SPAG16: variants seen among roughly 807,000 people sequenced by gnomAD.
SPAG16 encodes the protein sperm associated antigen 16.
SPAG16 carries 86 observed loss-of-function variants against 80.4 expected under a neutral mutation model. The observed-to-expected ratio is 1.07, with a 90% CI of 0.90 to 1.28. The LOEUF is 1.28. Ranked by LOEUF, SPAG16 falls within the 50% of genes most tolerant of loss-of-function variation. The pLI is 0.00. For missense variants in SPAG16, 870 were observed against 765.3 expected (o/e 1.14, Z -1.61); for synonymous variants, 294 against 265.9 (o/e 1.11, Z -1.03).
At chr2:214,139,196 G>A (rs1429727987) in intron 14 of SPAG16, among the ~76,000 whole-genome samples, 1 of 151,836 alleles carries the variant, frequency 6.6e-6, no homozygotes, top group Non-Finnish European at 1.5e-5. Flanking sequence ...AAAGTTTATT[G>A]CCAGTTGACT....
rs1431524940 is a variant in SPAG16 at position 213,586,776 on chromosome 2, G to C, written c.1070+96686G>C. 2.0e-5 allele frequency among the ~76,000 whole-genome samples: 3 copies of C among 152,220 alleles called. No individual in the cohort carries two copies. The East Asian group carries it at 5.8e-4, about 29-fold the overall frequency. On this transcript the variant is annotated intron_variant, in intron 10 of 15. Transcript: ENST00000331683. Reference sequence around the variant, plus strand: ...GTTTACAAATTACAATGATGGGGTAGACACGTAACATTAGCATTCTAGAAG... The same window carrying C: ...GTTTACAAATTACAATGATGGGGTACACACGTAACATTAGCATTCTAGAAG...
intron 10 of SPAG16, among the ~76,000 whole-genome samples, chr2:213,751,771 G>C (rs1391258231): frequency 6.6e-6 from 1 of 152,162 alleles, no homozygotes; most frequent in East Asian, 1.9e-4. Context: ...CAAGTTTCCT[G>C]TGAAAGGACG....
chr2:214,159,811 T>C (rs1418805767), intron 15 of SPAG16, among the ~76,000 whole-genome samples: 2 of 151,958 alleles, frequency 1.3e-5, no homozygotes, highest in Admixed American at 6.6e-5. Context: ...AAATCAATAC[T>C]CTGTAAATAT....
At chr2:213,676,708 C>T (rs1227382240) in intron 10 of SPAG16, among the ~76,000 whole-genome samples, 1 of 151,288 alleles carries the variant, frequency 6.6e-6, no homozygotes, top group East Asian at 1.9e-4. Flanking sequence ...TATATTGAAC[C>T]AGCCTTGCAT....
chr2:213,349,935 C>T (rs1003772231), intron 6 of SPAG16, among the ~76,000 whole-genome samples: 2 of 152,082 alleles, frequency 1.3e-5, no homozygotes, highest in Non-Finnish European at 2.9e-5. Context: ...CGCTTAAGAG[C>T]TGTATGTTTT....
intron 10 of SPAG16, among the ~76,000 whole-genome samples, chr2:213,842,181 A>G (rs1019319420): frequency 3.9e-5 from 6 of 152,166 alleles, no homozygotes; most frequent in Admixed American, 1.3e-4. Context: ...AGCTTTTACA[A>G]TCTAGATCTT....
chr2:213,731,412 G>A (rs972161147), intron 10 of SPAG16, among the ~76,000 whole-genome samples: 1 of 151,338 alleles, frequency 6.6e-6, no homozygotes, highest in South Asian at 2.1e-4. Context: ...CATCCACCTC[G>A]GCCTCCCAAA....
rs185921617 is a variant in SPAG16 at position 213,701,159 on chromosome 2, G to T, written c.1071-161326G>T. 8.3e-4 allele frequency among the ~76,000 whole-genome samples: 126 copies of T among 152,262 alleles called. 1 individual carries two copies. In the East Asian group the frequency reaches 0.024, roughly 29 times the overall value. On this transcript the variant is annotated intron_variant, in intron 10 of 15. Transcript: ENST00000331683. Reference sequence around the variant, plus strand: ...GGAGGCTGAGGCAGGAGAATCGCTTGAACCCAAGAGGCAGAGGCTGCAGTG... The same window carrying T: ...GGAGGCTGAGGCAGGAGAATCGCTTTAACCCAAGAGGCAGAGGCTGCAGTG...
chr2:214,016,241 A>G (rs1414056661), intron 13 of SPAG16, among the ~76,000 whole-genome samples: 1 of 152,206 alleles, frequency 6.6e-6, no homozygotes, highest in Admixed American at 6.5e-5. Context: ...ACAGTTCCTT[A>G]TACCTGTGGA....
chr2:214,144,525 C>T (rs1363061506), intron 14 of SPAG16, among the ~76,000 whole-genome samples: 1 of 152,058 alleles, frequency 6.6e-6, no homozygotes, highest in East Asian at 1.9e-4. Context: ...TATTCTAGGT[C>T]ACTAGAATGT....
intron 12 of SPAG16, among the ~76,000 whole-genome samples, chr2:214,013,484 A>G (rs1316884299): frequency 6.6e-6 from 1 of 152,042 alleles, no homozygotes; most frequent in Admixed American, 6.6e-5. Flanking sequence ...GTCTCTCCCT[A>G]TTCTCCCGTC....
In SPAG16 at chr2:213,841,689, CA is replaced by C. The variant is rs111882355; in HGVS notation, c.1071-20795del. On this transcript the variant is annotated intron_variant, in intron 10 of 15. Coordinates refer to ENST00000331683, the MANE Select transcript of SPAG16 (RefSeq NM_024532.5). ...ATAATTAAGGACATATTTGTAAGTA[CA>C]GGGAAGTCTTTCTTGTAGACCAATT... is the stretch of plus-strand genomic sequence containing the variant. Among the ~76,000 whole-genome samples, 118 of 152,196 alleles carry C rather than the reference CA, an allele frequency of 7.8e-4. 2 individuals carry two copies. Among genetic ancestry groups the C allele is most frequent in the African/African-American group, 2.7e-3 (111 of 41,554 alleles).
chr2:214,273,162 G>C (rs1054102978), intron 15 of SPAG16, among the ~76,000 whole-genome samples: 5 of 152,082 alleles, frequency 3.3e-5, no homozygotes, highest in African/African-American at 1.2e-4. Flanking sequence ...TTGTAAATTT[G>C]TTTAAGTTCT....
At chr2:213,473,984 C>T (rs939217317) in intron 9 of SPAG16, among the ~76,000 whole-genome samples, 1 of 152,168 alleles carries the variant, frequency 6.6e-6, no homozygotes. Context: ...CAGGGGAAGT[C>T]ATCACTGTTG....
At chr2:213,490,851 A>G (rs904721283) in intron 10 of SPAG16, among the ~76,000 whole-genome samples, 11 of 152,186 alleles carry the variant, frequency 7.2e-5, no homozygotes, top group African/African-American at 1.4e-4. Flanking sequence ...ACAAAAATAT[A>G]TGGCATTTGT....
intron 9 of SPAG16, among the ~76,000 whole-genome samples, chr2:213,436,860 A>G (rs187101906): frequency 6.6e-6 from 1 of 152,022 alleles, no homozygotes; most frequent in African/African-American, 2.4e-5. Context: ...TTTAATTTCC[A>G]GTGTTTTAAT....
chr2:213,587,374 C>G (rs2060510129), intron 10 of SPAG16, among the ~76,000 whole-genome samples: 1 of 152,126 alleles, frequency 6.6e-6, no homozygotes, highest in Admixed American at 6.5e-5. Flanking sequence ...CAGCCCCATA[C>G]CTGGGTCAAT....
rs1004624421 is a variant in SPAG16 at position 213,776,907 on chromosome 2, A to C, written c.1071-85578A>C. 3.4e-5 allele frequency among the ~76,000 whole-genome samples: 5 copies of C among 148,116 alleles called. No individual in the cohort carries two copies. The Admixed American group carries it at 3.5e-4, about 10-fold the overall frequency. On this transcript the variant is annotated intron_variant, in intron 10 of 15. Transcript: ENST00000331683. ...TTAATAAGATTAACATAATTTTAGC[A>C]AAAAATTTCATAAGAAGGAAATGTT...
intron 15 of SPAG16, among the ~76,000 whole-genome samples, chr2:214,332,253 CA>C (rs1218423059): frequency 6.6e-6 from 1 of 152,030 alleles, no homozygotes; most frequent in Admixed American, 6.6e-5. Context: ...CTCTGCCTCA[CA>C]AAAAAACAAA....
Sources: allele counts gnomAD v4.1 joint callset (sites outside exome capture counted in the v4.1 genomes callset), GRCh38; gene constraint gnomAD v4.1.1; transcripts MANE v1.5; gene names NCBI Gene and HGNC (gene_info 2026-07-23, HGNC 2026-07-21).